The following GPATCH8 variants were observed in gnomAD, a reference collection of about 807,000 sequenced individuals.
The protein encoded by GPATCH8 is G-patch domain containing 8.
In GPATCH8, 18 loss-of-function variants were observed where a neutral mutation model predicts 118.3. The observed-to-expected ratio is 0.15, with a 90% CI of 0.11 to 0.23. The LOEUF is 0.23. Ranked by LOEUF, GPATCH8 falls within the 10% of genes least tolerant of loss-of-function variation. The probability of loss-of-function intolerance (pLI) is 1.00; values close to 1 mark genes in which losing one functional copy is unlikely to be tolerated. For missense variants in GPATCH8, 1,631 were observed against 1,873.8 expected (o/e 0.87, Z 2.39); for synonymous variants, 659 against 684.7 (o/e 0.96, Z 0.59).
chr17:44,492,833 A>T (rs889079657), intron 1 of GPATCH8, among the ~76,000 whole-genome samples: 2 of 152,132 alleles, frequency 1.3e-5, no homozygotes, highest in Non-Finnish European at 1.5e-5. Flanking sequence ...CTCCTCTCCA[A>T]TCTATTATTT....
intron 3 of GPATCH8, among the ~76,000 whole-genome samples, chr17:44,448,685 G>C (rs1280221087): frequency 6.6e-6 from 1 of 151,544 alleles, no homozygotes; most frequent in African/African-American, 2.4e-5. Flanking sequence ...TACTAACCCA[G>C]TGTCATTTTA....
At chr17:44,413,352 C>G (rs916907547) in intron 6 of GPATCH8, among the ~76,000 whole-genome samples, 1 of 152,156 alleles carries the variant, frequency 6.6e-6, no homozygotes, top group African/African-American at 2.4e-5. Context: ...CTCACTGCAA[C>G]CTCCGCCTCC....
chr17:44,453,500 GGT>G (rs56962134), intron 3 of GPATCH8, among the ~76,000 whole-genome samples: 3,126 of 142,654 alleles, frequency 0.022, 75 homozygotes, highest in Non-Finnish European at 0.035. Flanking sequence ...GGTAGGTAGG[GGT>G]GTGTGTGTGT....
intron 3 of GPATCH8, among the ~76,000 whole-genome samples, chr17:44,461,980 A>AT (rs2051570695): frequency 6.6e-6 from 1 of 152,168 alleles, no homozygotes; most frequent in Non-Finnish European, 1.5e-5. Context: ...GGTTACAGGC[A>AT]TAAGCCACAG....
At chr17:44,482,836 A>G (rs1968379840) in intron 1 of GPATCH8, among the ~76,000 whole-genome samples, 1 of 146,972 alleles carries the variant, frequency 6.8e-6, no homozygotes, top group Non-Finnish European at 1.5e-5. Context: ...ATACATTAGA[A>G]GCTTGTAGTA....
chr17:44,415,823 A>T (rs922028332), intron 6 of GPATCH8, among the ~76,000 whole-genome samples: 4 of 152,266 alleles, frequency 2.6e-5, no homozygotes, highest in African/African-American at 9.6e-5. Flanking sequence ...GTAGAACAAA[A>T]GTAAGGCAGA....
chr17:44,457,717 T>C (rs1301597899), intron 3 of GPATCH8, among the ~76,000 whole-genome samples: 1 of 152,140 alleles, frequency 6.6e-6, no homozygotes, highest in East Asian at 1.9e-4. Context: ...GAGGATCACA[T>C]GAGCCCAGGA....
In GPATCH8 at chr17:44,400,615, C is replaced by A; in HGVS notation, c.1462G>T (p.Gly488Trp). 1.2e-6 allele frequency: 2 copies of A among 1,614,056 alleles called. No homozygotes were observed. The highest frequency in any genetic ancestry group is 1.7e-6 in the Non-Finnish European group (2 of 1,179,900). Residue 488 changes from glycine (G) to tryptophan (W), a missense_variant, in exon 8 of 8, where the codon GGG becomes TGG. This residue lies in a region of GPATCH8 where 405 missense variants were observed against 462.7 expected (regional missense o/e 0.88). Transcript: ENST00000591680. The stretch of plus-strand genomic sequence containing the variant: ...TCTAAACTCTGATCACTTACATCCC[C>A]TCCTAAGGCCTTCTTTGCCTCAGCT... Reference protein sequence around the residue: ...SKAEAKKALGGDVSDQSLESH... With the variant: ...SKAEAKKALGWDVSDQSLESH...
rs759600787 is a variant in GPATCH8, at chr17:44,467,992, ATTATTCCAG to A, written c.121-3457_121-3449del. On this transcript the variant is annotated intron_variant, in intron 2 of 7. Coordinates refer to ENST00000591680, the MANE Select transcript of GPATCH8 (RefSeq NM_001002909.4). ...ACTGTAATTTTTGCAAATTATTCCA[ATTATTCCAG>A]GATTTTTTTTTTTTTTTTGAGACGG... is the stretch of plus-strand genomic sequence containing the variant. Among the ~76,000 whole-genome samples the A allele has an allele frequency of 4.1e-4, 63 of 151,970 alleles. No homozygotes were observed. In the Middle Eastern group the frequency reaches 0.017, roughly 41 times the overall value.
intron 3 of GPATCH8, among the ~76,000 whole-genome samples, chr17:44,437,945 G>GAAAAAAAA (rs752307910): frequency 1.6e-5 from 1 of 63,688 alleles, no homozygotes; most frequent in African/African-American, 4.6e-5. Flanking sequence ...TCTCATGTCA[G>GAAAAAAAA]AAAAAAAAAA....
chr17:44,472,962 G>C (rs1469734621), intron 2 of GPATCH8, among the ~76,000 whole-genome samples: 1 of 151,898 alleles, frequency 6.6e-6, no homozygotes, highest in African/African-American at 2.4e-5. Flanking sequence ...CCAAAGTGCT[G>C]GGATTACAGG....
At chr17:44,483,426 T>A (rs920380832) in intron 1 of GPATCH8, among the ~76,000 whole-genome samples, 2 of 148,828 alleles carry the variant, frequency 1.3e-5, no homozygotes, top group African/African-American at 4.9e-5. Flanking sequence ...AATTTTTGTA[T>A]TTTTAGTAGA....
At chr17:44,418,747 G>A (rs1490134575) in intron 6 of GPATCH8, among the ~76,000 whole-genome samples, 3 of 152,120 alleles carry the variant, frequency 2.0e-5, no homozygotes, top group Admixed American at 6.5e-5. Context: ...CACCGCGCCC[G>A]GCTAGTCAGT....
intron 1 of GPATCH8, among the ~76,000 whole-genome samples, chr17:44,476,016 C>A (rs926141353): frequency 1.3e-5 from 2 of 151,768 alleles, no homozygotes. Context: ...GGGGACAGAA[C>A]GAGATCCTAT....
intron 6 of GPATCH8, among the ~76,000 whole-genome samples, chr17:44,423,622 G>A (rs2049990979): frequency 6.6e-6 from 1 of 152,260 alleles, no homozygotes. Flanking sequence ...CAAATGGCTT[G>A]AAATTCTTTA....
rs1366072701 is a variant in GPATCH8, at chr17:44,491,760, G to A, written c.45+11566C>T. Among the ~76,000 whole-genome samples, 3 of 149,802 alleles carry A rather than the reference G, an allele frequency of 2.0e-5. No individual in the cohort carries two copies. The South Asian group carries it at 6.3e-4, about 32-fold the overall frequency. On this transcript the variant is annotated intron_variant, in intron 1 of 7. Coordinates refer to ENST00000591680, the MANE Select transcript of GPATCH8 (RefSeq NM_001002909.4). ...TCCCAGCTACTCGGGAGGCTGCAAT[G>A]GGAGGATTGCCTGAGTCCAAGAGGT...
At chr17:44,414,157 GTGTATATATATATA>G in intron 6 of GPATCH8, among the ~76,000 whole-genome samples, 1 of 30,868 alleles carries the variant, frequency 3.2e-5, no homozygotes, top group Non-Finnish European at 9.6e-5. Flanking sequence ...ATATATATAT[GTGTATATATATATA>G]TGAACATATA....
chr17:44,402,164 A>T (rs147652273), intron 7 of GPATCH8, among the ~76,000 whole-genome samples: 3,100 of 151,892 alleles, frequency 0.02, 46 homozygotes, highest in Admixed American at 0.037. Flanking sequence ...TGCTAAAAAT[A>T]CAAAAATTAG....
In GPATCH8 at chr17:44,397,216, T is replaced by C; in HGVS notation, c.*352A>G. 2.1e-6 allele frequency: 1 copy of C among 480,990 alleles called. No individual in the cohort carries two copies. Among genetic ancestry groups the C allele is most frequent in the Non-Finnish European group, 4.1e-6 (1 of 245,120 alleles). The allele number at this position is 480,990 out of a possible 1,614,324, so 29.8% of individuals were successfully genotyped here. On this transcript the variant is annotated 3_prime_UTR_variant, in exon 8 of 8. Coordinates refer to ENST00000591680, the MANE Select transcript of GPATCH8 (RefSeq NM_001002909.4). ...AGAGGGGAGGAAAATGTTTTAAAAT[T>C]TACAGAAGGGAAGAGCAGAGGAAAA...
Sources: allele counts gnomAD v4.1 joint callset (sites outside exome capture counted in the v4.1 genomes callset), GRCh38; gene constraint gnomAD v4.1.1; regional missense constraint gnomAD v4.1.1; transcripts MANE v1.5; gene names NCBI Gene and HGNC (gene_info 2026-07-23, HGNC 2026-07-21).